IL19: variants seen among roughly 807,000 people sequenced by gnomAD.
The protein encoded by IL19 is interleukin-19.
A neutral mutation model predicts 19.5 loss-of-function variants in IL19; 15 were observed. The observed-to-expected ratio is 0.77, with a 90% confidence interval of 0.52 to 1.19. The LOEUF is 1.19. Ranked by LOEUF, IL19 falls within the 50% of genes most tolerant of loss-of-function variation. The pLI is 0.00. For synonymous variants in IL19, 78 were observed against 78.3 expected (o/e 1.00, Z 0.02); for missense variants, 199 against 213.1 (o/e 0.93, Z 0.41).
At position 206,778,162 on chromosome 1, in the gene IL19, G is replaced by T. The variant is rs183429866; in HGVS notation, c.-149+7084G>T. 2.1e-3 allele frequency among the ~76,000 whole-genome samples: 316 copies of T among 152,328 alleles called. 1 individual carries two copies. Among genetic ancestry groups the T allele is most frequent in the Admixed American group, 3.9e-3 (59 of 15,300 alleles). ...AAGCGCCCTTCCGAGGATCATGGCC[G>T]GCAGACACTGCAAACCACAGATGAG... On this transcript the variant is annotated intron_variant, in intron 1 of 6. Transcript: ENST00000659997.
chr1:206,795,927 A>G (rs11119572), intron 1 of IL19, among the ~76,000 whole-genome samples: 52,581 of 133,310 alleles, frequency 0.39, 10,143 homozygotes, highest in East Asian at 0.69. Flanking sequence ...AAATATATAT[A>G]TGTGTGTGTG....
intron 2 of IL19, chr1:206,834,151 A>G (rs1233549819): frequency 2.7e-5 from 27 of 985,456 alleles, no homozygotes; most frequent in South Asian, 2.3e-4. Flanking sequence ...GCTGCATGTC[A>G]AGACCCAGAA....
At chr1:206,830,636 T>C (rs1238810782) in intron 2 of IL19, among the ~76,000 whole-genome samples, 1 of 152,120 alleles carries the variant, frequency 6.6e-6, no homozygotes, top group Non-Finnish European at 1.5e-5. Context: ...TGGAGTGCAG[T>C]GGTGCGGTCT....
At chr1:206,801,874 T>C (rs1474335340) in intron 2 of IL19, among the ~76,000 whole-genome samples, 2 of 152,224 alleles carry the variant, frequency 1.3e-5, no homozygotes, top group African/African-American at 4.8e-5. Flanking sequence ...GAAGGGTGAT[T>C]ACCTGGGTAT....
At chr1:206,810,849 G>A (rs558803306) in intron 2 of IL19, among the ~76,000 whole-genome samples, 3 of 152,256 alleles carry the variant, frequency 2.0e-5, no homozygotes, top group African/African-American at 4.8e-5. Flanking sequence ...TCAGAGTAAC[G>A]AGTGAGTTCT....
intron 1 of IL19, among the ~76,000 whole-genome samples, chr1:206,778,609 T>C (rs558440923): frequency 6.6e-6 from 1 of 152,308 alleles, no homozygotes; most frequent in South Asian, 2.1e-4. Context: ...CCCCTTACTC[T>C]GCTACCACCA....
intron 2 of IL19, among the ~76,000 whole-genome samples, chr1:206,803,405 G>A (rs905969197): frequency 3.3e-5 from 5 of 152,154 alleles, no homozygotes; most frequent in Non-Finnish European, 7.3e-5. Context: ...AAGGTAGGTC[G>A]GATGTGAGAG....
chr1:206,798,788 C>A, intron 1 of IL19, 73 bp from the exon 2 acceptor site: 2 of 796,864 alleles, frequency 2.5e-6, no homozygotes, highest in Non-Finnish European at 4.0e-6. Context: ...CTTTTGCCGA[C>A]CTCAAAGCCA....
At chr1:206,776,556 A>G (rs992505140) in intron 1 of IL19, among the ~76,000 whole-genome samples, 2 of 151,998 alleles carry the variant, frequency 1.3e-5, no homozygotes, top group Admixed American at 1.3e-4. Context: ...CCCCAACAGC[A>G]CTTGGGTTTT....
rs539696544 is a variant in IL19, at chr1:206,834,336, C to T, written c.-2-2325C>T. On this transcript the variant is annotated intron_variant, in intron 2 of 6. Transcript: ENST00000659997. ...TCCACCTGAATAAAAATGACCAGCC[C>T]TTTCCAAATGGCAGAGAGCACTGAG... 62 of 985,596 alleles carry T rather than the reference C, an allele frequency of 6.3e-5. 2 individuals carry two copies. In the African/African-American group the frequency reaches 1.0e-3, roughly 16 times the overall value. The allele number at this position is 985,596 out of a possible 1,614,324, so 61.1% of individuals were successfully genotyped here.
intron 2 of IL19, among the ~76,000 whole-genome samples, chr1:206,832,188 T>C (rs1048579475): frequency 2.0e-5 from 3 of 152,250 alleles, no homozygotes; most frequent in Non-Finnish European, 4.4e-5. Flanking sequence ...AGATGTCCAT[T>C]AGCTCCTAAC....
chr1:206,809,952 G>C (rs1436120304), intron 2 of IL19, among the ~76,000 whole-genome samples: 5 of 152,090 alleles, frequency 3.3e-5, no homozygotes, highest in African/African-American at 1.2e-4. Context: ...ACTTCACTTG[G>C]GGCAGTTTCC....
At chr1:206,808,053 A>G (rs778076023) in intron 2 of IL19, among the ~76,000 whole-genome samples, 1 of 152,216 alleles carries the variant, frequency 6.6e-6, no homozygotes, top group Non-Finnish European at 1.5e-5. Flanking sequence ...GATATAGGCC[A>G]GGTGTGGCAG....
At chr1:206,784,682 G>A (rs1320083810) in intron 1 of IL19, among the ~76,000 whole-genome samples, 1 of 152,212 alleles carries the variant, frequency 6.6e-6, no homozygotes, top group African/African-American at 2.4e-5. Context: ...CGGGGGTGTG[G>A]AAGGGAGGTG....
At chr1:206,800,332 G>A (rs1181122879) in intron 2 of IL19, among the ~76,000 whole-genome samples, 2 of 152,234 alleles carry the variant, frequency 1.3e-5, no homozygotes, top group Non-Finnish European at 2.9e-5. Flanking sequence ...TTGCCCTGGA[G>A]GAGTTGTCTC....
chr1:206,809,635 C>T (rs1437262799), intron 2 of IL19, among the ~76,000 whole-genome samples: 1 of 152,196 alleles, frequency 6.6e-6, no homozygotes, highest in Non-Finnish European at 1.5e-5. Flanking sequence ...TCTTGATCTA[C>T]TGTAAGTAGC....
chr1:206,771,386 C>T, intron 1 of IL19: 2 of 1,613,474 alleles, frequency 1.2e-6, no homozygotes, highest in Non-Finnish European at 8.5e-7. Context: ...ACTCCTTTAA[C>T]AACAAGTTGT....
In IL19 at chr1:206,772,222, T is replaced by C. The variant is rs1214332499; in HGVS notation, c.-149+1144T>C. On this transcript the variant is annotated intron_variant, in intron 1 of 6. Transcript: ENST00000659997. Reference sequence around the variant, plus strand: ...CTTATAGTTCCAGGAGAATGTCTAGTTCAGGCAGTCCCAGGAAGAGAGAAA... The same window carrying C: ...CTTATAGTTCCAGGAGAATGTCTAGCTCAGGCAGTCCCAGGAAGAGAGAAA... 7 of 1,547,002 alleles carry C rather than the reference T, an allele frequency of 4.5e-6. No homozygotes were observed. The South Asian group carries it at 7.8e-5, about 17-fold the overall frequency.
In IL19 at chr1:206,778,009, C is replaced by G. The variant is rs1675050186; in HGVS notation, c.-149+6931C>G. Among the ~76,000 whole-genome samples, 2 of 152,318 alleles carry G rather than the reference C, an allele frequency of 1.3e-5. 1 individual carries two copies. Among genetic ancestry groups the G allele is most frequent in the South Asian group, 4.1e-4 (2 of 4,828 alleles). Reference sequence around the variant, plus strand: ...TGAGCACTGTATTCCTCTGGGCTTTCCTGACATTGGCTTTGATAGTGTCTG... The same window carrying G: ...TGAGCACTGTATTCCTCTGGGCTTTGCTGACATTGGCTTTGATAGTGTCTG... On this transcript the variant is annotated intron_variant, in intron 1 of 6. Coordinates refer to ENST00000659997, the MANE Select transcript of IL19 (RefSeq NM_153758.5).
Sources: allele counts gnomAD v4.1 joint callset (sites outside exome capture counted in the v4.1 genomes callset), GRCh38; gene constraint gnomAD v4.1.1; transcripts MANE v1.5; gene names NCBI Gene and HGNC (gene_info 2026-07-23, HGNC 2026-07-21).